The following HERC2 variants were observed in gnomAD, a reference collection of about 807,000 sequenced individuals.
HERC2 encodes the protein HECT and RLD domain containing E3 ubiquitin protein ligase 2, also known as E3 ubiquitin-protein ligase HERC2.
In HERC2, 102 loss-of-function variants were observed where a neutral mutation model predicts 537.7. The ratio of observed to expected loss-of-function variants is 0.19; its 90% confidence interval spans 0.16 to 0.22. The LOEUF (loss-of-function observed/expected upper bound fraction) is 0.22. Among genes scored for constraint, HERC2 ranks in the 10% least tolerant of loss-of-function variants. The pLI, the probability that HERC2 is intolerant of heterozygous loss-of-function variation, is 1.00. For synonymous variants in HERC2, 2,224 were observed against 2,466.2 expected, an observed-to-expected ratio of 0.90 and a Z score of 2.91; for missense variants, 4,236 against 6,198.2, an observed-to-expected ratio of 0.68 and a Z score of 10.63.
chr15:28,250,595 C>T (rs1247553875), intron 20 of HERC2, among the ~76,000 whole-genome samples: 3 of 152,166 alleles, frequency 2.0e-5, no homozygotes, highest in African/African-American at 4.8e-5. Context: ...ATGTAAATAA[C>T]GATCTACTCT....
intron 26 of HERC2, among the ~76,000 whole-genome samples, chr15:28,235,836 C>G: frequency 6.6e-6 from 1 of 152,152 alleles, no homozygotes; most frequent in Non-Finnish European, 1.5e-5. Context: ...CACCAGGCAA[C>G]TGTTCAACAG....
rs1248574968 is a variant in HERC2, at chr15:28,265,213, C to G, written c.1870+405G>C. 6.6e-6 allele frequency among the ~76,000 whole-genome samples: 1 copy of G among 152,032 alleles called. No homozygotes were observed. Among genetic ancestry groups the G allele is most frequent in the Non-Finnish European group, 1.5e-5 (1 of 68,014 alleles). The stretch of plus-strand genomic sequence containing the variant: ...GGATGATCTCACTTAGGAACACAAA[C>G]ATAAAACCAAAATTCAAAGCAAGCA... On this transcript the variant is annotated intron_variant, in intron 14 of 92. Transcript: ENST00000261609. This position sits in a 1 kb window ranked among gnomAD's most constrained non-coding sequence, Gnocchi z 4.0.
rs1596383643 is a variant in HERC2 at position 28,282,209 on chromosome 15, G to T, written c.323-1922C>A. ...CACGCCCTATCCCTGCCAGAGCAGG[G>T]TCACAGAAAGATTTAACCACTTACA... On this transcript the variant is annotated intron_variant, in intron 4 of 92. Transcript: ENST00000261609. 2.0e-5 allele frequency among the ~76,000 whole-genome samples: 3 copies of T among 152,142 alleles called. No homozygotes were observed. In the South Asian group the frequency reaches 6.2e-4, roughly 31 times the overall value.
chr15:28,280,273 T>C lies in HERC2; in HGVS notation c.337A>G (p.Lys113Glu), dbSNP rs764460099. Residue 113 changes from lysine (K) to glutamate (E), a missense_variant, in exon 5 of 93, where the codon AAG becomes GAG. Around this residue, in one of 27 missense-constraint regions of HERC2, gnomAD observed 491 missense variants for 559.3 expected, o/e 0.88. Transcript: ENST00000261609. ...TTAACCAGCACAGAAAGACACTCCTTCAGTTCATTCACATCTAGAAAATAA... is the reference window on the plus strand; with the variant it reads ...TTAACCAGCACAGAAAGACACTCCTCCAGTTCATTCACATCTAGAAAATAA... ...WGKQPDVNEL[K>E]ECLSVLVKEQ... The C allele has an allele frequency of 6.2e-7, 1 of 1,609,816 alleles. No individual in the cohort carries two copies. The highest frequency in any genetic ancestry group is 8.5e-7 in the Non-Finnish European group (1 of 1,178,636).
At chr15:28,199,702 C>T (rs1341124221) in intron 48 of HERC2, among the ~76,000 whole-genome samples, 3 of 152,146 alleles carry the variant, frequency 2.0e-5, no homozygotes, top group Non-Finnish European at 2.9e-5. Flanking sequence ...CAAGACCTAA[C>T]CCACCCAACC....
chr15:28,263,235 G>A, intron 14 of HERC2, 66 bp from the exon 15 acceptor site: 1 of 1,531,238 alleles, frequency 6.5e-7, no homozygotes, highest in African/African-American at 1.4e-5. Context: ...TTAAATGACT[G>A]CAAATAATAT....
rs140836021 is a variant in HERC2, at chr15:28,142,765, T to C, written c.11544+62A>G. ...AAACACACACACTGCACATGACAACTCTCAGTGGCTCTTTCAGTCAAATAG... is the reference window on the plus strand; with the variant it reads ...AAACACACACACTGCACATGACAACCCTCAGTGGCTCTTTCAGTCAAATAG... On this transcript the variant is annotated intron_variant, in intron 75 of 92. Transcript: ENST00000261609. 7.4e-4 allele frequency: 1,130 copies of C among 1,518,918 alleles called. 11 individuals carry two copies. In the African/African-American group the frequency reaches 0.014, roughly 19 times the overall value. The allele number at this position is 1,518,918 out of a possible 1,614,324, so 94.1% of individuals were successfully genotyped here. A position where few individuals can be genotyped will look rare whatever the true frequency, so the allele number is the denominator to read the frequency against.
At chr15:28,193,761 A>G (rs1271520541) in intron 52 of HERC2, among the ~76,000 whole-genome samples, 3 of 152,218 alleles carry the variant, frequency 2.0e-5, no homozygotes, top group Non-Finnish European at 4.4e-5. Flanking sequence ...GAAATAATAT[A>G]AACCAAATTG....
At position 28,171,057 on chromosome 15, in the gene HERC2, G is replaced by A. The variant is rs145346452; in HGVS notation, c.10058-1402C>T. On this transcript the variant is annotated intron_variant, in intron 65 of 92. Coordinates refer to ENST00000261609, the MANE Select transcript of HERC2 (RefSeq NM_004667.6). ...AAATGGCACAGCCATTCTGGAAAAC[G>A]GCTTGGCAGTTTCTTATCAAACTAA... Among the ~76,000 whole-genome samples the A allele has an allele frequency of 4.7e-3, 721 of 152,260 alleles. 6 individuals are homozygous for A. Among genetic ancestry groups the A allele is most frequent in the African/African-American group, 0.016 (679 of 41,560 alleles).
intron 2 of HERC2, among the ~76,000 whole-genome samples, chr15:28,316,846 G>A (rs1291077343): frequency 4.6e-5 from 7 of 152,200 alleles, no homozygotes; most frequent in East Asian, 3.9e-4. Context: ...GCGCGATCTC[G>A]GCTCACTACA....
chr15:28,299,627 G>C (rs76266110), intron 2 of HERC2, 111 bp from the exon 3 acceptor site: 43 of 617,288 alleles, frequency 7.0e-5, no homozygotes, highest in Non-Finnish European at 1.1e-4. Flanking sequence ...CGATCATTTG[G>C]TAATAAAATC....
intron 79 of HERC2, among the ~76,000 whole-genome samples, chr15:28,135,110 T>C (rs1890498840): frequency 6.6e-6 from 1 of 152,198 alleles, no homozygotes; most frequent in African/African-American, 2.4e-5. Flanking sequence ...GTGTCAATTG[T>C]GCGTTCTTTC....
At chr15:28,135,344 G>C in intron 79 of HERC2, 134 bp downstream of exon 79, 1 of 711,162 alleles carries the variant, frequency 1.4e-6, no homozygotes, top group East Asian at 2.5e-5. Flanking sequence ...TGCCAAATGA[G>C]TCATTAACAT....
At chr15:28,212,727 A>C (rs1899392917) in intron 42 of HERC2, 144 bp from the exon 43 acceptor site, 1 of 909,878 alleles carries the variant, frequency 1.1e-6, no homozygotes, top group African/African-American at 1.7e-5. Flanking sequence ...TCATTTTTTA[A>C]AATGACATTA....
At chr15:28,142,472 C>A in intron 75 of HERC2, 79 bp from the exon 76 acceptor site, 3 of 1,404,252 alleles carry the variant, frequency 2.1e-6, no homozygotes, top group Non-Finnish European at 2.9e-6. Context: ...GCTCCTTCCG[C>A]AGGACCTCCT....
chr15:28,112,895 ACATAAT>A (rs892132270), intron 92 of HERC2, among the ~76,000 whole-genome samples, 170 bp downstream of exon 92: 4 of 152,208 alleles, frequency 2.6e-5, no homozygotes, highest in African/African-American at 9.6e-5. Context: ...TACCCAAAAC[ACATAAT>A]CATAACATTT....
intron 23 of HERC2, among the ~76,000 whole-genome samples, chr15:28,245,606 GATAT>G (rs36126627): frequency 3.9e-5 from 5 of 129,032 alleles, no homozygotes; most frequent in South Asian, 2.6e-4. Flanking sequence ...CACACACACA[GATAT>G]ATATATACAC....
At chr15:28,232,878 T>C (rs970317520) in intron 30 of HERC2, among the ~76,000 whole-genome samples, 1 of 152,256 alleles carries the variant, frequency 6.6e-6, no homozygotes, top group Non-Finnish European at 1.5e-5. Flanking sequence ...TTCCCATCAA[T>C]TTAGTAAAGA....
At chr15:28,154,276 G>C (rs1349622821) in intron 69 of HERC2, among the ~76,000 whole-genome samples, 1 of 151,820 alleles carries the variant, frequency 6.6e-6, no homozygotes, top group Non-Finnish European at 1.5e-5. Context: ...AAATAGCTTT[G>C]CTTAGTAAAT....
Sources: allele counts gnomAD v4.1 joint callset (sites outside exome capture counted in the v4.1 genomes callset), GRCh38; gene constraint gnomAD v4.1.1; regional missense constraint gnomAD v4.1.1; non-coding constraint Gnocchi (gnomAD v3.1); transcripts MANE v1.5; gene names NCBI Gene and HGNC (gene_info 2026-07-23, HGNC 2026-07-21).